The following PCDHGA5 variants were observed in gnomAD, a reference collection of about 807,000 sequenced individuals.
PCDHGA5 encodes the protein protocadherin gamma subfamily A, 5, also known as protocadherin gamma-A5.
PCDHGA5 carries 36 observed loss-of-function variants against 56.7 expected under a neutral mutation model. That is an observed-to-expected ratio of 0.64 (90% CI 0.49 to 0.84). The LOEUF is 0.84. Among genes scored for constraint, PCDHGA5 ranks in the 40% least tolerant of loss-of-function variants. PCDHGA5 has a pLI of 0.00. For synonymous variants in PCDHGA5, 563 were observed against 520.2 expected (o/e 1.08, Z -1.12); for missense variants, 1,305 against 1,201.5 (o/e 1.09, Z -1.27).
intron 1 of PCDHGA5, among the ~76,000 whole-genome samples, chr5:141,468,758 C>T (rs929005462): frequency 6.6e-5 from 10 of 151,684 alleles, no homozygotes; most frequent in African/African-American, 2.2e-4. Context: ...CCCAGCTACT[C>T]GGGAGGCTGA....
chr5:141,430,881 A>G, intron 1 of PCDHGA5: 4 of 1,600,896 alleles, frequency 2.5e-6, no homozygotes, highest in Non-Finnish European at 3.4e-6. Flanking sequence ...GAGCTGGAGA[A>G]AGGCTCTAGG....
intron 1 of PCDHGA5, among the ~76,000 whole-genome samples, chr5:141,444,733 G>A (rs1464370133): frequency 6.6e-6 from 1 of 152,106 alleles, no homozygotes; most frequent in Non-Finnish European, 1.5e-5. Flanking sequence ...TTTGTTGAAA[G>A]TCATTTCACT....
In PCDHGA5 at chr5:141,430,937, G is replaced by C. The variant is rs888990395; in HGVS notation, c.2422-63870G>C. ...CCTGGGGCTGGAGCCCCGGGAGCTC[G>C]CGGAGCGCGGAGTCCGCATCATCCC... On this transcript the variant is annotated intron_variant, in intron 1 of 3. Coordinates refer to ENST00000518069, the MANE Select transcript of PCDHGA5 (RefSeq NM_018918.3). The C allele has an allele frequency of 8.7e-6, 14 of 1,607,498 alleles. No individual in the cohort carries two copies. The highest frequency in any genetic ancestry group is 1.7e-5 in the Admixed American group (1 of 58,732).
intron 1 of PCDHGA5, among the ~76,000 whole-genome samples, chr5:141,455,419 G>T (rs1462099602): frequency 6.6e-6 from 1 of 152,124 alleles, no homozygotes; most frequent in Non-Finnish European, 1.5e-5. Flanking sequence ...AGGGAGCGGG[G>T]CTCCAAAAGA....
intron 1 of PCDHGA5, chr5:141,408,804 A>G (rs577658697): frequency 1.9e-6 from 3 of 1,613,264 alleles, no homozygotes; most frequent in African/African-American, 2.7e-5. Context: ...AAACTCCTAG[A>G]CCGGGAAGAA....
chr5:141,431,726 G>C lies in PCDHGA5; in HGVS notation c.2422-63081G>C. On this transcript the variant is annotated intron_variant, in intron 1 of 3. Coordinates refer to ENST00000518069, the MANE Select transcript of PCDHGA5 (RefSeq NM_018918.3). The surrounding 1 kb of genome is among the most constrained non-coding windows in gnomAD (Gnocchi z 4.8). ...CTACCAGATGGAAGTGCAAGCAATG[G>C]ATAATGCAGGATATTCTGCGCGAGC... The C allele has an allele frequency of 6.2e-7, 1 of 1,614,204 alleles. No homozygotes were observed. Among genetic ancestry groups the C allele is most frequent in the Non-Finnish European group, 8.5e-7 (1 of 1,180,032 alleles).
chr5:141,398,683 C>A, intron 1 of PCDHGA5: 1 of 1,613,914 alleles, frequency 6.2e-7, no homozygotes, highest in Non-Finnish European at 8.5e-7. Flanking sequence ...TAAGGAGAAA[C>A]AGGATGGTAG....
At chr5:141,409,109 A>G in intron 1 of PCDHGA5, 1 of 1,614,028 alleles carries the variant, frequency 6.2e-7, no homozygotes, top group Non-Finnish European at 8.5e-7. Context: ...TATGATTAAG[A>G]ATAACCAGTC....
intron 1 of PCDHGA5, chr5:141,395,582 G>T (rs1200378126): frequency 5.5e-6 from 1 of 181,100 alleles, no homozygotes; most frequent in Non-Finnish European, 1.1e-5. Flanking sequence ...GTGTGTGTGT[G>T]TGTGTGTGTA....
At chr5:141,452,673 G>A (rs2098746812) in intron 1 of PCDHGA5, among the ~76,000 whole-genome samples, 1 of 151,896 alleles carries the variant, frequency 6.6e-6, no homozygotes, top group Non-Finnish European at 1.5e-5. Flanking sequence ...CTCCAGCCTA[G>A]GCCACAGAAT....
chr5:141,423,904 G>A, intron 1 of PCDHGA5: 2 of 1,275,052 alleles, frequency 1.6e-6, no homozygotes, highest in Middle Eastern at 3.1e-4. Flanking sequence ...TGATTTCAAA[G>A]GGGCCATTCA....
chr5:141,496,306 C>T (rs1380057886), intron 2 of PCDHGA5, among the ~76,000 whole-genome samples: 1 of 152,202 alleles, frequency 6.6e-6, no homozygotes, highest in South Asian at 2.1e-4. Flanking sequence ...ATAGGCTCTG[C>T]GCCAGGCCTC....
rs962794399 is a variant in PCDHGA5, at chr5:141,449,958, AT to A, written c.2422-44841del. Among the ~76,000 whole-genome samples, 332 of 148,828 alleles carry A rather than the reference AT, an allele frequency of 2.2e-3. 1 individual carries two copies. The highest frequency in any genetic ancestry group is 6.8e-3 in the Admixed American group (101 of 14,904). Reference sequence around the variant, plus strand: ...GTATATTTTACTATACCTCATAGTAATTTTTTTTAGTCCAAAATATCACACA... The same window carrying A: ...GTATATTTTACTATACCTCATAGTAATTTTTTTAGTCCAAAATATCACACA... On this transcript the variant is annotated intron_variant, in intron 1 of 3. Coordinates refer to ENST00000518069, the MANE Select transcript of PCDHGA5 (RefSeq NM_018918.3).
At chr5:141,421,079 T>A (rs2096545177) in intron 1 of PCDHGA5, 1 of 630,528 alleles carries the variant, frequency 1.6e-6, no homozygotes, top group Non-Finnish European at 2.7e-6. Context: ...AGATGGATAC[T>A]CACAGATCCT....
In PCDHGA5 at chr5:141,374,191, C is replaced by T. The variant is rs780279453; in HGVS notation, c.2421+7440C>T. 3.7e-6 allele frequency: 6 copies of T among 1,613,664 alleles called. No individual in the cohort carries two copies. In the East Asian group the frequency reaches 1.1e-4, roughly 30 times the overall value. Reference sequence around the variant, plus strand: ...CAGCGCAGATCCGCTACTCTATTCCCGAGGAGCTGGAGAAAGGCTCCTTCG... The same window carrying T: ...CAGCGCAGATCCGCTACTCTATTCCTGAGGAGCTGGAGAAAGGCTCCTTCG... On this transcript the variant is annotated intron_variant, in intron 1 of 3. Transcript: ENST00000518069.
intron 1 of PCDHGA5, among the ~76,000 whole-genome samples, chr5:141,463,380 A>G (rs994170903): frequency 2.0e-5 from 3 of 149,876 alleles, no homozygotes; most frequent in Admixed American, 6.7e-5. Context: ...ACAGTCTGAA[A>G]GTTGTCTCCA....
Position 141,486,277 on chromosome 5 carries a change from G to A in PCDHGA5, c.2422-8530G>A, listed in dbSNP as rs1156704202. 6.2e-7 allele frequency: 1 copy of A among 1,614,020 alleles called. No individual in the cohort carries two copies. The highest frequency in any genetic ancestry group is 1.1e-5 in the South Asian group (1 of 91,056). ...CCGAGAGTGCAGAACCTGGCACTGT[G>A]GTGGCACTTATCAGTGTGCAGGATC... On this transcript the variant is annotated intron_variant, in intron 1 of 3. Transcript: ENST00000518069. The surrounding 1 kb of genome is among the most constrained non-coding windows in gnomAD (Gnocchi z 5.0).
intron 1 of PCDHGA5, chr5:141,379,765 A>G (rs1294190356): frequency 6.6e-6 from 1 of 152,120 alleles, no homozygotes; most frequent in Non-Finnish European, 1.5e-5. Context: ...CACCTGCAAT[A>G]CAGATCATTA....
intron 1 of PCDHGA5, chr5:141,400,422 T>C (rs1460679509): frequency 1.2e-6 from 2 of 1,613,936 alleles, no homozygotes; most frequent in Non-Finnish European, 1.7e-6. Flanking sequence ...TCCTAAAATG[T>C]AGTGAGCAAT....
Sources: gnomAD v4.1 joint callset for allele counts (sites outside exome capture counted in the v4.1 genomes callset) on GRCh38, gnomAD v4.1.1 for gene constraint, Gnocchi (gnomAD v3.1) non-coding constraint, MANE v1.5 for transcripts, NCBI Gene and HGNC (gene_info 2026-07-23, HGNC 2026-07-21) for gene names.